The following DNAJA1 variants were observed in gnomAD, a reference collection of about 807,000 sequenced individuals.
The protein encoded by DNAJA1 is DnaJ heat shock protein family (Hsp40) member A1, also known as dnaJ homolog subfamily A member 1.
A neutral mutation model predicts 47.6 loss-of-function variants in DNAJA1; 26 were observed. The ratio of observed to expected loss-of-function variants is 0.55; its 90% CI spans 0.40 to 0.76. DNAJA1 has a LOEUF of 0.76. Ranked by LOEUF, DNAJA1 falls within the 30% of genes least tolerant of loss-of-function variation. DNAJA1 has a pLI of 0.00. For missense variants in DNAJA1, 315 were observed against 485.0 expected, an observed-to-expected ratio of 0.65 and a Z score of 3.29; for synonymous variants, 165 against 158.4, an observed-to-expected ratio of 1.04 and a Z score of -0.31.
At chr9:33,030,281 C>T (rs930428080) in intron 4 of DNAJA1, among the ~76,000 whole-genome samples, 159 bp from the exon 5 acceptor site, 1 of 152,152 alleles carries the variant, frequency 6.6e-6, no homozygotes, top group Non-Finnish European at 1.5e-5. Flanking sequence ...AAGAATGAAA[C>T]TCATTGGAAT....
chr9:33,027,919 G>T (rs572286522), intron 3 of DNAJA1, among the ~76,000 whole-genome samples: 1 of 151,208 alleles, frequency 6.6e-6, no homozygotes, highest in Non-Finnish European at 1.5e-5. Context: ...AGTTACTCAG[G>T]AGGGCTGAAG....
chr9:33,030,582 G>A lies in DNAJA1; in HGVS notation c.558G>A (p.Arg186=). Residue 186 remains arginine (R), a synonymous_variant, in exon 5 of 9, where the codon CGG becomes CGA. Coordinates refer to ENST00000330899, the MANE Select transcript of DNAJA1 (RefSeq NM_001539.4). ...TGGAGTGCCAGGGCCATGGGGAGCG[G>A]ATCAGTCCTAAAGATAGATGTAAAA... ...VCMECQGHGE[R]ISPKDRCKSC... is the part of the protein sequence containing the mutation. 6.2e-7 allele frequency: 1 copy of A among 1,614,150 alleles called. No individual in the cohort carries two copies. Among genetic ancestry groups the A allele is most frequent in the East Asian group, 2.2e-5 (1 of 44,892 alleles).
chr9:33,027,721 G>A (rs2119377532), intron 3 of DNAJA1, among the ~76,000 whole-genome samples: 1 of 152,044 alleles, frequency 6.6e-6, no homozygotes, highest in Non-Finnish European at 1.5e-5. Context: ...GTGGTGGTGG[G>A]CATCTGCAAT....
chr9:33,030,071 A>C (rs1186514152), intron 4 of DNAJA1, 82 bp downstream of exon 4: 8 of 1,306,418 alleles, frequency 6.1e-6, no homozygotes, highest in Non-Finnish European at 8.5e-6. Flanking sequence ...AGACTTCTAG[A>C]TAGATATGTA....
In DNAJA1 at chr9:33,036,624, T is replaced by C; in HGVS notation, c.809T>C (p.Leu270Pro). The part of the protein sequence containing the change: ...MCMDIQLVEA[L>P]CGFQKPISTL... The stretch of plus-strand genomic sequence containing the variant: ...ATGGACATACAGCTCGTTGAAGCAC[T>C]GTGTGGCTTCCAGAAGCCAATATCT... The change falls in exon 7 of 9, where the codon CTG (leucine) becomes CCG (proline). Residue 270 changes from leucine (L) to proline (P), a missense_variant. Leu to Pro is a moderately conservative substitution (Grantham distance 98). Around this residue, in one of 4 missense-constraint regions of DNAJA1, gnomAD observed 162 missense variants for 185.4 expected, o/e 0.87. Coordinates refer to ENST00000330899, the MANE Select transcript of DNAJA1 (RefSeq NM_001539.4). 1 of 1,614,074 alleles carries C rather than the reference T, an allele frequency of 6.2e-7. No individual in the cohort carries two copies. Among genetic ancestry groups the C allele is most frequent in the Non-Finnish European group, 8.5e-7 (1 of 1,179,958 alleles).
At chr9:33,035,720 C>T (rs1286391020) in intron 6 of DNAJA1, among the ~76,000 whole-genome samples, 2 of 152,040 alleles carry the variant, frequency 1.3e-5, no homozygotes, top group East Asian at 1.9e-4. Context: ...CCACCTGCCT[C>T]GGCCTCCCAA....
In DNAJA1 at chr9:33,037,122, T is replaced by C. The variant is rs1218735475; in HGVS notation, c.975+7T>C. On this transcript the variant is annotated splice_region_variant and intron_variant, in intron 8 of 8. Transcript: ENST00000330899. ...CCTAATCATCGAATTTAAGGTAAGCTGTAATGTACTTTAAGAATACTTGAG... is the reference window on the plus strand; with the variant it reads ...CCTAATCATCGAATTTAAGGTAAGCCGTAATGTACTTTAAGAATACTTGAG... 3.7e-6 allele frequency: 6 copies of C among 1,608,906 alleles called. No individual in the cohort carries two copies. The highest frequency in any genetic ancestry group is 1.7e-5 in the Admixed American group (1 of 58,784).
Position 33,026,516 on chromosome 9 carries a change from T to C in DNAJA1, c.32T>C (p.Leu11Ser). 6.2e-7 allele frequency: 1 copy of C among 1,608,628 alleles called. No homozygotes were observed. Among genetic ancestry groups the C allele is most frequent in the Non-Finnish European group, 8.5e-7 (1 of 1,178,816 alleles). The change falls in exon 2 of 9, where the codon TTG (leucine) becomes TCG (serine). Residue 11 changes from leucine to serine, a missense_variant. Leu to Ser is a moderately radical substitution (Grantham distance 145). Transcript: ENST00000330899. Reference protein sequence around the residue: MVKETTYYDVLGVKPNATQEE... With the variant: MVKETTYYDVSGVKPNATQEE... The stretch of plus-strand genomic sequence containing the variant: ...AAAGAAACAACTTACTACGATGTTT[T>C]GGGGGTCAAACCCAATGCTACTCAG...
Position 33,035,169 on chromosome 9 carries a change from G to A in DNAJA1, c.758+839G>A, listed in dbSNP as rs113529035. Among the ~76,000 whole-genome samples the A allele has an allele frequency of 4.3e-3, 648 of 151,934 alleles. 3 individuals are homozygous for A. The highest frequency in any genetic ancestry group is 0.015 in the African/African-American group (620 of 41,426). ...TCCCAACACTTTAGGAGGCCGAGGT[G>A]GATGGTCAGGAGTTCAAGACCAGCC... On this transcript the variant is annotated intron_variant, in intron 6 of 8. Transcript: ENST00000330899.
intron 1 of DNAJA1, among the ~76,000 whole-genome samples, chr9:33,025,725 C>T (rs1354498620): frequency 3.3e-5 from 5 of 152,086 alleles, no homozygotes; most frequent in African/African-American, 9.6e-5. Context: ...GTTGGCGACC[C>T]TGCGCACGCG....
intron 3 of DNAJA1, among the ~76,000 whole-genome samples, chr9:33,027,858 C>A (rs1199795398): frequency 2.0e-5 from 3 of 150,684 alleles, no homozygotes; most frequent in Non-Finnish European, 4.4e-5. Context: ...CACAAAAAAC[C>A]CAAAAAAATC....
chr9:33,035,910 A>G (rs1028511000), intron 6 of DNAJA1, among the ~76,000 whole-genome samples: 4 of 152,240 alleles, frequency 2.6e-5, no homozygotes, highest in African/African-American at 4.8e-5. Context: ...CAATGAGGAA[A>G]TTGTTAGAGT....
In DNAJA1 at chr9:33,025,299, G is replaced by A. The variant is rs113852575; in HGVS notation, c.-95G>A. ...CGGAACTTTCCAGAACGCTCGGTGA[G>A]AGGCGGAGGAGCGGTAACTACCCCG... On this transcript the variant is annotated 5_prime_UTR_variant, in exon 1 of 9. Coordinates refer to ENST00000330899, the MANE Select transcript of DNAJA1 (RefSeq NM_001539.4). The A allele has an allele frequency of 2.0e-5, 3 of 152,470 alleles. No individual in the cohort carries two copies. The highest frequency in any genetic ancestry group is 3.9e-4 in the East Asian group (2 of 5,174). 9.4% of individuals were successfully genotyped at this position (152,470 alleles called of 1,614,324 possible).
chr9:33,029,769 A>T, intron 3 of DNAJA1, 116 bp from the exon 4 acceptor site: 1 of 732,244 alleles, frequency 1.4e-6, no homozygotes, highest in Non-Finnish European at 2.2e-6. Context: ...TAGTCAACAG[A>T]TGTACCCTGT....
chr9:33,026,168 G>A (rs1463552189), intron 1 of DNAJA1, among the ~76,000 whole-genome samples: 1 of 152,204 alleles, frequency 6.6e-6, no homozygotes, highest in East Asian at 1.9e-4. Context: ...AACTGTCACC[G>A]CCTCTAGGGC....
intron 8 of DNAJA1, among the ~76,000 whole-genome samples, chr9:33,038,239 C>T (rs1839065538): frequency 6.6e-6 from 1 of 152,068 alleles, no homozygotes; most frequent in Non-Finnish European, 1.5e-5. Context: ...GGTGATCTGC[C>T]CATCTCAGCT....
At chr9:33,030,091 C>G in intron 4 of DNAJA1, 102 bp downstream of exon 4, 1 of 1,104,336 alleles carries the variant, frequency 9.1e-7, no homozygotes, top group Non-Finnish European at 1.3e-6. Flanking sequence ...AAAATTGATT[C>G]ATGTACACTA....
Position 33,039,548 on chromosome 9 carries a change from C to T in DNAJA1, c.*645C>T, listed in dbSNP as rs1042376. ...CTGCTGTGCCATTCATATATATATACATATATATATATAATCTTGACCAGT... is the reference window on the plus strand; with the variant it reads ...CTGCTGTGCCATTCATATATATATATATATATATATATAATCTTGACCAGT... On this transcript the variant is annotated 3_prime_UTR_variant, in exon 9 of 9. Coordinates refer to ENST00000330899, the MANE Select transcript of DNAJA1 (RefSeq NM_001539.4). The T allele has an allele frequency of 0.15, 15,991 of 107,664 alleles. 2,253 individuals carry two copies. The highest frequency in any genetic ancestry group is 0.18 in the African/African-American group (5,933 of 33,034). 6.7% of individuals were successfully genotyped at this position (107,664 alleles called of 1,614,324 possible).
In DNAJA1 at chr9:33,036,273, T is replaced by G. The variant is rs3780502; in HGVS notation, c.759-301T>G. 791 of 166,288 alleles carry G rather than the reference T, an allele frequency of 4.8e-3. 12 individuals are homozygous for G. The highest frequency in any genetic ancestry group is 6.7e-3 in the Non-Finnish European group (517 of 76,602). 10.3% of individuals were successfully genotyped at this position (166,288 alleles called of 1,614,324 possible). On this transcript the variant is annotated intron_variant, in intron 6 of 8. Transcript: ENST00000330899. ...CCTCACTCTTGTGAGTTGTTTTTTTTTTTTCCCCTCTGAGAAACCAGATTT... is the reference window on the plus strand; with the variant it reads ...CCTCACTCTTGTGAGTTGTTTTTTTGTTTTCCCCTCTGAGAAACCAGATTT...
Sources: gnomAD v4.1 joint callset for allele counts (sites outside exome capture counted in the v4.1 genomes callset) on GRCh38, gnomAD v4.1.1 for gene constraint, gnomAD v4.1.1 regional missense constraint, MANE v1.5 for transcripts, NCBI Gene and HGNC (gene_info 2026-07-23, HGNC 2026-07-21) for gene names.